Variants in ANXA8 observed in about 807,000 individuals in gnomAD.
ANXA8 encodes the protein VAC-beta.
A neutral mutation model predicts 26.8 loss-of-function variants in ANXA8; 9 were observed. The ratio of observed to expected loss-of-function variants is 0.34; its 90% CI spans 0.20 to 0.59. The LOEUF (loss-of-function observed/expected upper bound fraction) is 0.59, where lower values mean the gene tolerates loss of function less well. Ranked by LOEUF, ANXA8 falls within the 20% of genes least tolerant of loss-of-function variation. ANXA8 has a pLI of 0.84. For synonymous variants in ANXA8, 39 were observed against 94.8 expected (o/e 0.41, Z 3.42); for missense variants, 83 against 238.5 (o/e 0.35, Z 4.29).
the ANXA8 span, among the ~76,000 whole-genome samples, chr10:47,768,343 G>A: frequency 6.6e-6 from 1 of 151,538 alleles, no homozygotes; most frequent in Admixed American, 6.6e-5. Context: ...GCCATAAGAG[G>A]GCAGAAAGAC....
the ANXA8 span, among the ~76,000 whole-genome samples, chr10:47,561,391 C>T: frequency 6.6e-6 from 1 of 151,682 alleles, no homozygotes; most frequent in Non-Finnish European, 1.5e-5. Flanking sequence ...CAAGCGTGAA[C>T]TACCATGTTG....
chr10:47,669,647 G>A, the ANXA8 span, among the ~76,000 whole-genome samples: 10 of 151,602 alleles, frequency 6.6e-5, no homozygotes, highest in East Asian at 1.7e-3. Context: ...CCTGGGATGT[G>A]GAGGTTGCAG....
At chr10:47,657,916 G>A in the ANXA8 span, among the ~76,000 whole-genome samples, 1 of 151,674 alleles carries the variant, frequency 6.6e-6, no homozygotes, top group Non-Finnish European at 1.5e-5. Context: ...TAGCTTTGGT[G>A]CTGACTTCTC....
At chr10:47,671,899 T>G in the ANXA8 span, among the ~76,000 whole-genome samples, 3 of 151,756 alleles carry the variant, frequency 2.0e-5, no homozygotes, top group Admixed American at 1.3e-4. Context: ...TGAGCCACCG[T>G]GCCCAATTGG....
At chr10:47,511,133 C>A in the ANXA8 span, among the ~76,000 whole-genome samples, 3 of 131,706 alleles carry the variant, frequency 2.3e-5, no homozygotes, top group African/African-American at 9.2e-5. Flanking sequence ...TTAGTAGAGA[C>A]GGGGTTTCAC....
the ANXA8 span, among the ~76,000 whole-genome samples, chr10:47,719,207 C>T: frequency 6.4e-5 from 9 of 139,824 alleles, 2 homozygotes; most frequent in Non-Finnish European, 1.2e-4. Context: ...TCGCCCAGGC[C>T]GGTGTGCAGT....
the ANXA8 span, among the ~76,000 whole-genome samples, chr10:47,935,248 A>AT: frequency 1.7e-5 from 2 of 114,362 alleles, no homozygotes; most frequent in Admixed American, 9.6e-5. Context: ...TACTCTCACT[A>AT]TTTTTTAGAG....
the ANXA8 span, among the ~76,000 whole-genome samples, chr10:47,693,951 T>C: frequency 6.6e-6 from 1 of 152,090 alleles, no homozygotes; most frequent in Non-Finnish European, 1.5e-5. Context: ...CAAAATTAAG[T>C]TTCCCAGACT....
chr10:47,616,649 T>A, the ANXA8 span, among the ~76,000 whole-genome samples: 5 of 65,544 alleles, frequency 7.6e-5, 2 homozygotes, highest in Non-Finnish European at 1.9e-4. Context: ...TCTCATCATG[T>A]ATGGTTCCAT....
At chr10:47,947,708 C>T in the ANXA8 span, among the ~76,000 whole-genome samples, 1 of 150,642 alleles carries the variant, frequency 6.6e-6, no homozygotes, top group East Asian at 2.1e-4. Context: ...CTGAGGCTTC[C>T]CCAACCATGC....
chr10:47,743,283 C>CACATATATATATACATAT, the ANXA8 span, among the ~76,000 whole-genome samples: 6,920 of 80,528 alleles, frequency 0.086, 2,192 homozygotes, highest in South Asian at 0.14. Flanking sequence ...TATATACACA[C>CACATATATATATACATAT]ATATATATAT....
At chr10:47,697,038 CT>C in the ANXA8 span, among the ~76,000 whole-genome samples, 2 of 151,708 alleles carry the variant, frequency 1.3e-5, no homozygotes, top group African/African-American at 2.4e-5. Context: ...CCAGTTTTCT[CT>C]TCTTTAAAAG....
At chr10:47,672,535 A>G in the ANXA8 span, among the ~76,000 whole-genome samples, 1 of 151,594 alleles carries the variant, frequency 6.6e-6, no homozygotes, top group Non-Finnish European at 1.5e-5. Context: ...GCTCCCTATC[A>G]TTGTTTTATA....
chr10:47,581,469 A>G, the ANXA8 span: 9 of 552,470 alleles, frequency 1.6e-5, no homozygotes, highest in Admixed American at 1.7e-4. Context: ...CATGTCTCCA[A>G]AGGTGTTCAT....
chr10:47,667,672 C>A, the ANXA8 span, among the ~76,000 whole-genome samples: 1 of 151,824 alleles, frequency 6.6e-6, no homozygotes, highest in African/African-American at 2.4e-5. Flanking sequence ...GGTGCCTCAG[C>A]CTACCCAGTA....
the ANXA8 span, among the ~76,000 whole-genome samples, chr10:47,600,466 C>A: frequency 6.7e-6 from 1 of 148,408 alleles, no homozygotes; most frequent in Non-Finnish European, 1.5e-5. Context: ...GAGAGCAATC[C>A]CTAGATTTGC....
At chr10:47,483,122 A>G (rs1262296675) in intron 1 of ANXA8, among the ~76,000 whole-genome samples, 5 of 151,600 alleles carry the variant, frequency 3.3e-5, no homozygotes, top group African/African-American at 7.3e-5. Context: ...TCAACCATAG[A>G]TGGAAAGCTC....
At chr10:47,581,794 A>G in the ANXA8 span, among the ~76,000 whole-genome samples, 1 of 150,028 alleles carries the variant, frequency 6.7e-6, no homozygotes, top group African/African-American at 2.5e-5. Context: ...TTTAGTAGAG[A>G]CGGGGTTTCA....
At chr10:47,684,065 T>C in the ANXA8 span, among the ~76,000 whole-genome samples, 1 of 151,958 alleles carries the variant, frequency 6.6e-6, no homozygotes, top group Non-Finnish European at 1.5e-5. Flanking sequence ...GTATTGGTTT[T>C]TCCGACTGAA....
Sources: gnomAD v4.1 joint callset for allele counts (sites outside exome capture counted in the v4.1 genomes callset) on GRCh38, gnomAD v4.1.1 for gene constraint, MANE v1.5 for transcripts, NCBI Gene and HGNC (gene_info 2026-07-23, HGNC 2026-07-21) for gene names.